CCDC170: variants seen among roughly 807,000 people sequenced by gnomAD.
The protein encoded by CCDC170 is coiled-coil domain-containing protein 170.
In CCDC170, 69 loss-of-function variants were observed where a neutral mutation model predicts 72.6. That is an observed-to-expected ratio of 0.95 (90% CI 0.78 to 1.16). The LOEUF (loss-of-function observed/expected upper bound fraction) is 1.16, where lower values mean the gene tolerates loss of function less well. Ranked by LOEUF, CCDC170 falls within the 50% of genes most tolerant of loss-of-function variation. The pLI, the probability that CCDC170 is intolerant of heterozygous loss-of-function variation, is 0.00. For missense variants in CCDC170, 852 were observed against 832.5 expected, an observed-to-expected ratio of 1.02 and a Z score of -0.29; for synonymous variants, 300 against 303.9, an observed-to-expected ratio of 0.99 and a Z score of 0.13.
chr6:151,517,874 C>A (rs1054081885), intron 1 of CCDC170, among the ~76,000 whole-genome samples: 2 of 152,198 alleles, frequency 1.3e-5, no homozygotes, highest in Admixed American at 1.3e-4. Context: ...CCTGTGCTTC[C>A]TCTTATTTTT....
At chr6:151,495,353 G>A (rs1218599854) in intron 1 of CCDC170, among the ~76,000 whole-genome samples, 1 of 151,876 alleles carries the variant, frequency 6.6e-6, no homozygotes, top group African/African-American at 2.4e-5. Context: ...CCAATGTGGT[G>A]TCTTAACCAT....
chr6:151,574,903 T>C (rs1240626023), intron 6 of CCDC170, among the ~76,000 whole-genome samples: 1 of 152,210 alleles, frequency 6.6e-6, no homozygotes, highest in African/African-American at 2.4e-5. Flanking sequence ...TTGCCTCTCC[T>C]TCTTCCTCCT....
In CCDC170 at chr6:151,587,677, G is replaced by A. The variant is rs777029912; in HGVS notation, c.1293+1588G>A. On this transcript the variant is annotated intron_variant, in intron 7 of 10. Coordinates refer to ENST00000239374, the MANE Select transcript of CCDC170 (RefSeq NM_025059.4). ...GCCAAAGGTGTCTGTGGAAAATCAA[G>A]TCTAGCAGATGAGACAGGGAGATCG... 5.3e-4 allele frequency among the ~76,000 whole-genome samples: 80 copies of A among 152,326 alleles called. No individual in the cohort carries two copies. The Middle Eastern group carries it at 0.01, about 19-fold the overall frequency.
At chr6:151,617,137 C>G (rs1179154246) in intron 10 of CCDC170, among the ~76,000 whole-genome samples, 2 of 152,160 alleles carry the variant, frequency 1.3e-5, no homozygotes, top group African/African-American at 4.8e-5. Flanking sequence ...ATGGAGGGTG[C>G]CTTTAATGAG....
At position 151,571,408 on chromosome 6, in the gene CCDC170, G is replaced by A. The variant is rs142261152; in HGVS notation, c.775-1766G>A. Among the ~76,000 whole-genome samples the A allele has an allele frequency of 4.1e-4, 63 of 151,956 alleles. 1 individual carries two copies. In the East Asian group the frequency reaches 0.012, roughly 28 times the overall value. ...TTAATATTTCTTAATGTGAATTCAT[G>A]TATTTTGGAACTTGATGTTAAAAAA... On this transcript the variant is annotated intron_variant, in intron 5 of 10. Coordinates refer to ENST00000239374, the MANE Select transcript of CCDC170 (RefSeq NM_025059.4).
intron 1 of CCDC170, among the ~76,000 whole-genome samples, chr6:151,519,517 G>A (rs1405937622): frequency 1.3e-5 from 2 of 152,170 alleles, no homozygotes; most frequent in Admixed American, 6.5e-5. Context: ...CTGAGGTAAT[G>A]TACACTCTCA....
intron 6 of CCDC170, among the ~76,000 whole-genome samples, chr6:151,581,750 T>A (rs1776382050): frequency 6.6e-6 from 1 of 152,230 alleles, no homozygotes; most frequent in Non-Finnish European, 1.5e-5. Context: ...TCAGAATTAT[T>A]CCTTGATCCA....
chr6:151,502,628 A>T (rs548359956), intron 1 of CCDC170, among the ~76,000 whole-genome samples: 2 of 152,266 alleles, frequency 1.3e-5, no homozygotes, highest in Middle Eastern at 6.8e-3. Context: ...CTGAAAAGGA[A>T]CTCTTATTGT....
intron 1 of CCDC170, among the ~76,000 whole-genome samples, chr6:151,507,457 C>G (rs902967022): frequency 3.3e-5 from 5 of 152,068 alleles, no homozygotes; most frequent in African/African-American, 4.8e-5. Context: ...TGTTTTGATA[C>G]ATAATATTTT....
In CCDC170 at chr6:151,619,614, A is replaced by C. The variant is rs1777027927; in HGVS notation, c.*1467A>C. ...ACCAACCGTTCGTGAGTCATCAAAA[A>C]GTCAAAGTCAGCCTGGCCAACATGG... On this transcript the variant is annotated 3_prime_UTR_variant, in exon 11 of 11. Transcript: ENST00000239374. 6.6e-6 allele frequency: 1 copy of C among 152,164 alleles called. No homozygotes were observed. Among genetic ancestry groups the C allele is most frequent in the African/African-American group, 2.4e-5 (1 of 41,444 alleles). 9.4% of individuals were successfully genotyped at this position (152,164 alleles called of 1,614,324 possible).
intron 1 of CCDC170, among the ~76,000 whole-genome samples, chr6:151,512,217 T>C (rs1452270143): frequency 6.8e-6 from 1 of 147,918 alleles, no homozygotes; most frequent in Non-Finnish European, 1.5e-5. Context: ...TGGAGTGCAG[T>C]GGCATAATCT....
chr6:151,576,457 A>C (rs1776305974), intron 6 of CCDC170, among the ~76,000 whole-genome samples: 1 of 151,356 alleles, frequency 6.6e-6, no homozygotes, highest in African/African-American at 2.4e-5. Flanking sequence ...CTATATTTTC[A>C]AGTAGTTTCT....
intron 4 of CCDC170, among the ~76,000 whole-genome samples, chr6:151,545,551 C>T (rs758989344): frequency 3.3e-5 from 5 of 152,110 alleles, no homozygotes; most frequent in Non-Finnish European, 7.4e-5. Context: ...GTATTTGGTT[C>T]TCTTTGGCTA....
At chr6:151,515,561 G>A (rs1782223127) in intron 1 of CCDC170, among the ~76,000 whole-genome samples, 1 of 152,204 alleles carries the variant, frequency 6.6e-6, no homozygotes, top group Non-Finnish European at 1.5e-5. Context: ...AGGATTGTAG[G>A]CGTGAGCCAC....
At chr6:151,607,350 C>A (rs540448011) in intron 9 of CCDC170, among the ~76,000 whole-genome samples, 2 of 152,170 alleles carry the variant, frequency 1.3e-5, no homozygotes, top group East Asian at 3.9e-4. Flanking sequence ...TTTAATATAT[C>A]ATTTGTTCCT....
chr6:151,598,364 A>C (rs1052007655), intron 9 of CCDC170, among the ~76,000 whole-genome samples: 4 of 152,114 alleles, frequency 2.6e-5, no homozygotes, highest in Non-Finnish European at 5.9e-5. Context: ...TTCCATTTTC[A>C]CTAGTGAGGG....
At chr6:151,595,603 C>T (rs1450471895) in intron 8 of CCDC170, among the ~76,000 whole-genome samples, 1 of 152,024 alleles carries the variant, frequency 6.6e-6, no homozygotes, top group Non-Finnish European at 1.5e-5. Context: ...ACCTCTTGAA[C>T]CCAGGAGTTC....
chr6:151,576,653 A>G (rs1369758361), intron 6 of CCDC170, among the ~76,000 whole-genome samples: 2 of 152,086 alleles, frequency 1.3e-5, no homozygotes, highest in Admixed American at 6.6e-5. Context: ...ATTTTTTTCA[A>G]TAGCTGCCCT....
chr6:151,506,523 C>T (rs1285408726), intron 1 of CCDC170, among the ~76,000 whole-genome samples: 1 of 152,208 alleles, frequency 6.6e-6, no homozygotes, highest in African/African-American at 2.4e-5. Context: ...ATTCAAGATG[C>T]AGGCGATAGA....
Sources: gnomAD v4.1 joint callset for allele counts (sites outside exome capture counted in the v4.1 genomes callset) on GRCh38, gnomAD v4.1.1 for gene constraint, MANE v1.5 for transcripts, NCBI Gene and HGNC (gene_info 2026-07-23, HGNC 2026-07-21) for gene names.